Variants in ESPNL observed in about 807,000 individuals in gnomAD.
ESPNL encodes the protein espin like, also known as espin-like protein.
A neutral mutation model predicts 46.8 loss-of-function variants in ESPNL; 49 were observed. The ratio of observed to expected loss-of-function variants is 1.05; its 90% CI spans 0.83 to 1.33. The LOEUF is 1.33. Among genes scored for constraint, ESPNL ranks in the 40% most tolerant of loss-of-function variants. The pLI, the probability that ESPNL is intolerant of heterozygous loss-of-function variation, is 0.00. For synonymous variants in ESPNL, 664 were observed against 662.1 expected (o/e 1.00, Z -0.04); for missense variants, 1,540 against 1,436.6 (o/e 1.07, Z -1.16).
chr2:238,127,614 C>A lies in ESPNL; in HGVS notation c.1103-8C>A. 5 of 1,597,224 alleles carry A rather than the reference C, an allele frequency of 3.1e-6. 1 individual carries two copies. In the South Asian group the frequency reaches 5.7e-5, roughly 18 times the overall value. On this transcript the variant is annotated splice_polypyrimidine_tract_variant and splice_region_variant and intron_variant, in intron 6 of 8. Transcript: ENST00000343063. ...CCCTTTCTGCAACACCCTTCTTCTT[C>A]TTGGCAGCCATGTCCCTCAGCCCGG...
chr2:238,130,202 G>A lies in ESPNL; in HGVS notation c.1488G>A (p.Gly496=), dbSNP rs769482439. Residue 496 remains glycine, a synonymous_variant, in exon 9 of 9, where the codon GGG becomes GGA. Transcript: ENST00000343063. ...CACAGACTCATCAGGCCATCCTGGG[G>A]CCCTTTGGGGAGCTGCTGACAGAGG... ...RYSQTHQAIL[G]PFGELLTEDD... 3 of 1,612,458 alleles carry A rather than the reference G, an allele frequency of 1.9e-6. No individual in the cohort carries two copies. Among genetic ancestry groups the A allele is most frequent in the Non-Finnish European group, 2.5e-6 (3 of 1,179,762 alleles).
Position 238,128,702 on chromosome 2 carries a change from C to T in ESPNL, c.1216-5C>T, listed in dbSNP as rs534168519. 37 of 1,595,466 alleles carry T rather than the reference C, an allele frequency of 2.3e-5. No individual in the cohort carries two copies. In the African/African-American group the frequency reaches 4.8e-4, roughly 21 times the overall value. Reference sequence around the variant, plus strand: ...GGCCTGTGTGACCCACCCCCTTCTGCACAGGGGACAGAGACGGCGCTGGCG... The same window carrying T: ...GGCCTGTGTGACCCACCCCCTTCTGTACAGGGGACAGAGACGGCGCTGGCG... On this transcript the variant is annotated splice_region_variant and splice_polypyrimidine_tract_variant and intron_variant, in intron 7 of 8. Transcript: ENST00000343063.
At chr2:238,126,551 ATC>A (rs1190080989) in intron 6 of ESPNL, among the ~76,000 whole-genome samples, 1 of 128,610 alleles carries the variant, frequency 7.8e-6, no homozygotes, top group African/African-American at 2.9e-5. Context: ...GCCTGTGTGT[ATC>A]TGTGTGATTG....
In ESPNL at chr2:238,130,185, C is replaced by T. The variant is rs1247383555; in HGVS notation, c.1471C>T (p.His491Tyr). Residue 491 changes from histidine (H) to tyrosine (Y), a missense_variant, in exon 9 of 9, where the codon CAT becomes TAT. Coordinates refer to ENST00000343063, the MANE Select transcript of ESPNL (RefSeq NM_194312.4). ...GGCGGCCTGGAGGTACTCACAGACT[C>T]ATCAGGCCATCCTGGGGCCCTTTGG... is the stretch of plus-strand genomic sequence containing the variant. ...EQAAWRYSQT[H>Y]QAILGPFGEL... 5 of 1,612,722 alleles carry T rather than the reference C, an allele frequency of 3.1e-6. No individual in the cohort carries two copies. The Admixed American group carries it at 8.3e-5, about 27-fold the overall frequency.
Position 238,100,723 on chromosome 2 carries a change from G to A in ESPNL, c.294+10G>A. On this transcript the variant is annotated intron_variant, in intron 1 of 8. Coordinates refer to ENST00000343063, the MANE Select transcript of ESPNL (RefSeq NM_194312.4). ...GGGCTGCGGTCTGCAGGTGAGCGGG[G>A]ATGGGGCAGCCTGGCTCCACGAAGC... 7.1e-7 allele frequency: 1 copy of A among 1,410,838 alleles called. No individual in the cohort carries two copies. Among genetic ancestry groups the A allele is most frequent in the Non-Finnish European group, 9.2e-7 (1 of 1,092,384 alleles). 87.4% of individuals were successfully genotyped at this position (1,410,838 alleles called of 1,614,324 possible). A position where few individuals can be genotyped will look rare whatever the true frequency, so the allele number is the denominator to read the frequency against.
chr2:238,116,546 T>C lies in ESPNL; in HGVS notation c.856-357T>C, dbSNP rs73098397. On this transcript the variant is annotated intron_variant, in intron 4 of 8. Coordinates refer to ENST00000343063, the MANE Select transcript of ESPNL (RefSeq NM_194312.4). ...TCTCTCTGAGCCTCGTCTCTTCACG[T>C]GCATTGATCCACACCTCCAAGGGTG... 8.4e-3 allele frequency among the ~76,000 whole-genome samples: 1,273 copies of C among 152,196 alleles called. 24 individuals carry two copies. The highest frequency in any genetic ancestry group is 0.028 in the African/African-American group (1,166 of 41,510).
intron 4 of ESPNL, among the ~76,000 whole-genome samples, chr2:238,108,204 G>A (rs997211085): frequency 4.6e-5 from 7 of 152,198 alleles, no homozygotes; most frequent in African/African-American, 1.4e-4. Flanking sequence ...CTCCCTTCGC[G>A]CAGAAACTCC....
Position 238,131,509 on chromosome 2 carries a change from G to T in ESPNL, c.2795G>T (p.Arg932Leu), listed in dbSNP as rs751673854. The T allele has an allele frequency of 1.9e-6, 3 of 1,611,666 alleles. No homozygotes were observed. The highest frequency in any genetic ancestry group is 2.5e-6 in the Non-Finnish European group (3 of 1,179,426). The change falls in exon 9 of 9, where the codon CGT becomes CTT. Residue 932 changes from arginine to leucine, a missense_variant. By Grantham distance (102) the Arg-to-Leu change is moderately radical (BLOSUM62 -2). Transcript: ENST00000343063. ...GCCCGCTTCTTTGGCTCCAGCCAGC[G>T]TCCCGCCTGGGATACGGAGCCTGGC... ...IKARFFGSSQ[R>L]PAWDTEPGRK...
At chr2:238,119,559 G>T (rs1048168723) in intron 5 of ESPNL, among the ~76,000 whole-genome samples, 1 of 122,358 alleles carries the variant, frequency 8.2e-6, no homozygotes, top group Non-Finnish European at 1.7e-5. Context: ...GTGGATGAAG[G>T]AGGAATGGAT....
intron 4 of ESPNL, among the ~76,000 whole-genome samples, chr2:238,113,059 A>C (rs1213372735): frequency 6.6e-6 from 1 of 152,252 alleles, no homozygotes; most frequent in Non-Finnish European, 1.5e-5. Flanking sequence ...TTGTGTGAAC[A>C]TTCCTGGCTA....
In ESPNL at chr2:238,125,306, C is replaced by T. The variant is rs1382814941; in HGVS notation, c.1024C>T (p.Pro342Ser). 1.3e-6 allele frequency: 2 copies of T among 1,562,882 alleles called. No homozygotes were observed. Among genetic ancestry groups the T allele is most frequent in the South Asian group, 1.2e-5 (1 of 83,704 alleles). ...GATGACGCCCCCACCACCACCGTTC[C>T]CCCCACCTCCACTGTTGGCCACGAG... ...LLMTPPPPPF[P>S]PPPLLATRRS... The change falls in exon 6 of 9, where the codon CCC becomes TCC. Residue 342 changes from proline (P) to serine (S), a missense_variant. Transcript: ENST00000343063.
rs771286998 is a variant in ESPNL, at chr2:238,100,458, G to T, written c.39G>T (p.Gly13=). The change falls in exon 1 of 9, where the codon GGG becomes GGT. Residue 13 remains glycine (G), a synonymous_variant. Transcript: ENST00000343063. ...GGGCACTCGTGGCCGCCAAGGATGG[G>T]GATGTGGCGACGTTGGAGCGGCTGC... The part of the protein sequence containing the change: ...KQRALVAAKD[G]DVATLERLLE... 8.1e-6 allele frequency: 13 copies of T among 1,605,230 alleles called. No individual in the cohort carries two copies. The Admixed American group carries it at 2.2e-4, about 27-fold the overall frequency.
intron 5 of ESPNL, among the ~76,000 whole-genome samples, chr2:238,120,454 C>T (rs1169010033): frequency 1.3e-5 from 2 of 152,250 alleles, no homozygotes; most frequent in African/African-American, 4.8e-5. Context: ...TCTGGGGTCC[C>T]ATGCCTGGGC....
At chr2:238,129,726 G>T (rs1354789395) in intron 8 of ESPNL, among the ~76,000 whole-genome samples, 1 of 152,262 alleles carries the variant, frequency 6.6e-6, no homozygotes, top group Non-Finnish European at 1.5e-5. Flanking sequence ...CCAGCCACAT[G>T]CAGCCACTGA....
At chr2:238,105,153 G>A (rs1212087711) in intron 3 of ESPNL, among the ~76,000 whole-genome samples, 1 of 152,140 alleles carries the variant, frequency 6.6e-6, no homozygotes, top group Non-Finnish European at 1.5e-5. Context: ...GTGGTGGCCC[G>A]GGTGCTTTGT....
intron 5 of ESPNL, among the ~76,000 whole-genome samples, chr2:238,119,395 G>A (rs1425345017): frequency 7.3e-6 from 1 of 136,590 alleles, no homozygotes; most frequent in African/African-American, 2.8e-5. Context: ...GATGCAGGAG[G>A]TGGATGGAGG....
chr2:238,100,516 G>T lies in ESPNL; in HGVS notation c.97G>T (p.Asp33Tyr). The change falls in exon 1 of 9, where the codon GAT becomes TAT. Residue 33 changes from aspartate (D) to tyrosine (Y), a missense_variant. Asp to Tyr is a radical substitution (Grantham distance 160). Transcript: ENST00000343063. ...EAGALGPGITDALGAGLVHHA... is the reference protein window; with the variant it reads ...EAGALGPGITYALGAGLVHHA... ...TGGCGCCCTGGGCCCGGGCATCACC[G>T]ATGCTCTGGGGGCCGGCCTGGTTCA... 3 of 1,596,814 alleles carry T rather than the reference G, an allele frequency of 1.9e-6. No homozygotes were observed. Among genetic ancestry groups the T allele is most frequent in the Non-Finnish European group, 2.6e-6 (3 of 1,174,428 alleles).
At chr2:238,113,933 C>A (rs370561319) in intron 4 of ESPNL, among the ~76,000 whole-genome samples, 34 of 152,266 alleles carry the variant, frequency 2.2e-4, no homozygotes, top group East Asian at 1.9e-3. Flanking sequence ...CCCCTCACCC[C>A]CCAGGCTTTC....
chr2:238,100,410 G>T lies in ESPNL; in HGVS notation c.-10G>T. The T allele has an allele frequency of 6.3e-7, 1 of 1,590,792 alleles. No individual in the cohort carries two copies. The highest frequency in any genetic ancestry group is 1.1e-5 in the South Asian group (1 of 87,672). ...GTGCATGAGTCGCCACTGAGAGCCCGGGCCAGAGGATGGAGAAGCAGCGGG... is the reference window on the plus strand; with the variant it reads ...GTGCATGAGTCGCCACTGAGAGCCCTGGCCAGAGGATGGAGAAGCAGCGGG... On this transcript the variant is annotated 5_prime_UTR_variant, in exon 1 of 9. Coordinates refer to ENST00000343063, the MANE Select transcript of ESPNL (RefSeq NM_194312.4).
Sources: allele counts gnomAD v4.1 joint callset (sites outside exome capture counted in the v4.1 genomes callset), GRCh38; gene constraint gnomAD v4.1.1; transcripts MANE v1.5; gene names NCBI Gene and HGNC (gene_info 2026-07-23, HGNC 2026-07-21).